Variants in CADPS observed in about 807,000 individuals in gnomAD.
CADPS encodes the protein calcium dependent secretion activator.
Under a neutral mutation model 167.3 loss-of-function variants are expected in CADPS, and 57 were observed. The ratio of observed to expected loss-of-function variants is 0.34; its 90% CI spans 0.28 to 0.42. CADPS has a LOEUF of 0.42. CADPS is among the 20% of genes least tolerant of loss of function. The pLI is 1.00. For synonymous variants in CADPS, 676 were observed against 635.3 expected (o/e 1.06, Z -0.96); for missense variants, 1,414 against 1,738.1 (o/e 0.81, Z 3.32).
chr3:62,681,625 C>T (rs529960695), intron 3 of CADPS, among the ~76,000 whole-genome samples: 1 of 152,148 alleles, frequency 6.6e-6, no homozygotes, highest in African/African-American at 2.4e-5. Context: ...TCTTCATAGG[C>T]CCTGAAGAAT....
Position 62,840,108 on chromosome 3 carries a change from C to T in CADPS, c.441+34481G>A, listed in dbSNP as rs527389165. On this transcript the variant is annotated intron_variant, in intron 1 of 29. Transcript: ENST00000383710. ...TGTTCATGGACTGCTTCATAAACTA[C>T]AAAAAAGCTAATTATCTTCATTATT... is the stretch of plus-strand genomic sequence containing the variant. Among the ~76,000 whole-genome samples, 3 of 152,192 alleles carry T rather than the reference C, an allele frequency of 2.0e-5. 1 individual carries two copies. The South Asian group carries it at 6.2e-4, about 32-fold the overall frequency.
chr3:62,799,457 G>A lies in CADPS; in HGVS notation c.442-33473C>T, dbSNP rs561102776. On this transcript the variant is annotated intron_variant, in intron 1 of 29. Coordinates refer to ENST00000383710, the MANE Select transcript of CADPS (RefSeq NM_003716.4). The stretch of plus-strand genomic sequence containing the variant: ...TGGTGAGAAAAATTATACCTTCACA[G>A]ACTGATCCTAAATTTATCTCTATTT... Among the ~76,000 whole-genome samples the A allele has an allele frequency of 7.9e-5, 12 of 152,220 alleles. No homozygotes were observed. In the South Asian group the frequency reaches 2.3e-3, roughly 29 times the overall value.
intron 6 of CADPS, among the ~76,000 whole-genome samples, chr3:62,627,715 CT>C (rs1333887501): frequency 2.9e-5 from 4 of 137,074 alleles, no homozygotes; most frequent in Admixed American, 1.6e-4. Flanking sequence ...TCAGAAGACC[CT>C]AACCTGTGAA....
intron 9 of CADPS, among the ~76,000 whole-genome samples, chr3:62,558,618 G>T (rs1277568043): frequency 6.6e-6 from 1 of 152,132 alleles, no homozygotes; most frequent in East Asian, 1.9e-4. Flanking sequence ...TGTTTTAATG[G>T]TGATAAGAAA....
intron 3 of CADPS, among the ~76,000 whole-genome samples, chr3:62,685,543 G>C (rs2077848933): frequency 6.6e-6 from 1 of 151,970 alleles, no homozygotes; most frequent in African/African-American, 2.4e-5. Flanking sequence ...TATTTATATA[G>C]CTAGAAAGTG....
intron 24 of CADPS, among the ~76,000 whole-genome samples, chr3:62,467,132 C>T (rs1339275173): frequency 6.6e-6 from 1 of 152,122 alleles, no homozygotes; most frequent in Admixed American, 6.5e-5. Context: ...TAAAAATCTG[C>T]TGTAAATGCC....
At chr3:62,819,125 T>C (rs1252515123) in intron 1 of CADPS, among the ~76,000 whole-genome samples, 1 of 152,116 alleles carries the variant, frequency 6.6e-6, no homozygotes, top group Non-Finnish European at 1.5e-5. Flanking sequence ...TATGTGTGTA[T>C]TTGTCAAAAC....
chr3:62,838,183 C>G (rs547275270), intron 1 of CADPS, among the ~76,000 whole-genome samples: 1 of 152,130 alleles, frequency 6.6e-6, no homozygotes, highest in African/African-American at 2.4e-5. Context: ...TGATTTCATT[C>G]GGCGCATATA....
In CADPS at chr3:62,478,414, T is replaced by C. The variant is rs2061574633; in HGVS notation, c.3176A>G (p.Asn1059Ser). 1 of 1,613,062 alleles carries C rather than the reference T, an allele frequency of 6.2e-7. No homozygotes were observed. Among genetic ancestry groups the C allele is most frequent in the African/African-American group, 1.3e-5 (1 of 74,848 alleles). Residue 1059 changes from asparagine (N) to serine (S), a missense_variant and splice_region_variant, in exon 23 of 30, where the codon AAT (asparagine) becomes AGT (serine). Asn to Ser is a conservative substitution (Grantham distance 46). Coordinates refer to ENST00000383710, the MANE Select transcript of CADPS (RefSeq NM_003716.4). This position sits in a 1 kb window ranked among gnomAD's most constrained non-coding sequence, Gnocchi z 5.7. ...SWMAAIYDAD[N>S]GSGTSEDLFW... ...CAGATCTTCTGAGGTGCCTGACCCATTACTGGCAGGACAAAAATTAGAAAA... is the reference window on the plus strand; with the variant it reads ...CAGATCTTCTGAGGTGCCTGACCCACTACTGGCAGGACAAAAATTAGAAAA...
In CADPS at chr3:62,662,876, G is replaced by A. The variant is rs1300050495; in HGVS notation, c.889-482C>T. ...GTCATTGCGTTCCTTCTCTTTGAAC[G>A]CTGAGACCTGTACCAGCCCTCCAGA... is the stretch of plus-strand genomic sequence containing the variant. On this transcript the variant is annotated intron_variant, in intron 3 of 29. Transcript: ENST00000383710. Among the ~76,000 whole-genome samples, 6 of 152,226 alleles carry A rather than the reference G, an allele frequency of 3.9e-5. No individual in the cohort carries two copies. In the South Asian group the frequency reaches 6.2e-4, roughly 16 times the overall value.
chr3:62,865,094 G>C (rs931504819), intron 1 of CADPS, among the ~76,000 whole-genome samples: 1 of 152,106 alleles, frequency 6.6e-6, no homozygotes, highest in Non-Finnish European at 1.5e-5. Context: ...GACAACAGTT[G>C]CTATACTTGT....
At chr3:62,442,220 T>G (rs2056440358) in intron 27 of CADPS, among the ~76,000 whole-genome samples, 2 of 151,514 alleles carry the variant, frequency 1.3e-5, no homozygotes, top group South Asian at 4.2e-4. Context: ...TGACTCTTTT[T>G]TTTTTTTTGA....
At chr3:62,507,972 A>C (rs1055293033) in intron 17 of CADPS, among the ~76,000 whole-genome samples, 1 of 152,192 alleles carries the variant, frequency 6.6e-6, no homozygotes, top group Non-Finnish European at 1.5e-5. Context: ...AGCACCTTTT[A>C]TAGAAAATAA....
At chr3:62,731,805 C>CAAAAAAAA (rs1212456893) in intron 3 of CADPS, among the ~76,000 whole-genome samples, 110 of 27,084 alleles carry the variant, frequency 4.1e-3, no homozygotes, top group East Asian at 9.2e-3. Context: ...TGATCATATG[C>CAAAAAAAA]AAAAAAAAAA....
In CADPS at chr3:62,492,459, G is replaced by T. The variant is rs764137505; in HGVS notation, c.2728-13C>A. 4 of 1,610,074 alleles carry T rather than the reference G, an allele frequency of 2.5e-6. 1 individual carries two copies. In the South Asian group the frequency reaches 4.4e-5, roughly 18 times the overall value. On this transcript the variant is annotated splice_polypyrimidine_tract_variant and intron_variant, in intron 19 of 29. Coordinates refer to ENST00000383710, the MANE Select transcript of CADPS (RefSeq NM_003716.4). ...ACCACGCAAAGGCCTTTAAAATTTG[G>T]CAGAAAAACAATAGACAAAGAAGTG...
At chr3:62,442,639 C>A (rs537608043) in intron 27 of CADPS, among the ~76,000 whole-genome samples, 1 of 152,274 alleles carries the variant, frequency 6.6e-6, no homozygotes, top group Admixed American at 6.5e-5. Context: ...AATGTGCTCT[C>A]ATTGAAGGCG....
chr3:62,441,538 G>A (rs944258083), intron 27 of CADPS, among the ~76,000 whole-genome samples: 1 of 152,148 alleles, frequency 6.6e-6, no homozygotes, highest in Non-Finnish European at 1.5e-5. Context: ...AATGTTTTAG[G>A]TGACTGGTAC....
chr3:62,606,256 TC>T (rs2060680579), intron 6 of CADPS, among the ~76,000 whole-genome samples: 1 of 152,176 alleles, frequency 6.6e-6, no homozygotes, highest in Admixed American at 6.5e-5. Flanking sequence ...TAAAATGTAA[TC>T]TCCAATATGA....
At chr3:62,425,193 T>G (rs1270311613) in intron 28 of CADPS, among the ~76,000 whole-genome samples, 1 of 152,220 alleles carries the variant, frequency 6.6e-6, no homozygotes, top group Non-Finnish European at 1.5e-5. Flanking sequence ...TGTATTTCAG[T>G]ATCTTTTATC....
Sources: gnomAD v4.1 joint callset for allele counts (sites outside exome capture counted in the v4.1 genomes callset) on GRCh38, gnomAD v4.1.1 for gene constraint, Gnocchi (gnomAD v3.1) non-coding constraint, MANE v1.5 for transcripts, NCBI Gene and HGNC (gene_info 2026-07-23, HGNC 2026-07-21) for gene names.